Variants in PHEX observed in about 807,000 individuals in gnomAD.
PHEX encodes phosphate regulating endopeptidase X-linked, also known as phosphate-regulating neutral endopeptidase PHEX.
In PHEX, 16 loss-of-function variants were observed where a neutral mutation model predicts 68.0. The observed-to-expected ratio is 0.24, with a 90% CI of 0.16 to 0.36. PHEX has a LOEUF of 0.36. Among genes scored for constraint, PHEX ranks in the 10% least tolerant of loss-of-function variants. The pLI is 1.00. For missense variants in PHEX, 480 were observed against 575.5 expected, an observed-to-expected ratio of 0.83 and a Z score of 1.70; for synonymous variants, 208 against 205.1, an observed-to-expected ratio of 1.01 and a Z score of -0.12.
intron 21 of PHEX, among the ~76,000 whole-genome samples, chrX:22,247,334 C>T (rs966885617): frequency 1.8e-5 from 2 of 111,951 alleles, no homozygotes; most frequent in Non-Finnish European, 3.8e-5. Context: ...ACAGTACATA[C>T]CATGGATTCC....
Position 22,111,528 on chromosome X carries a change from C to T in PHEX, c.1141C>T (p.Arg381Cys), listed in dbSNP as rs932260939. 2.3e-5 allele frequency: 28 copies of T among 1,204,668 alleles called. No individual in the cohort carries two copies. Among genetic ancestry groups the T allele is most frequent in the Admixed American group, 1.3e-4 (6 of 45,778 alleles). The change falls in exon 10 of 22, where the codon CGC becomes TGC. Residue 381 changes from arginine to cysteine, a missense_variant. By Grantham distance (180) the Arg-to-Cys change is radical (BLOSUM62 -3). Transcript: ENST00000379374. ...TTCCAGAATTCCAAACCTTAGCAGG[C>T]GCTTTCAGTATAGATGGCTGGAATT... ...VYSRIPNLSR[R>C]FQYRWLEFSR...
rs1025718102 is a variant in PHEX, at chrX:22,145,133, T to C, written c.1404+11509T>C. On this transcript the variant is annotated intron_variant, in intron 12 of 21. Transcript: ENST00000379374. Reference sequence around the variant, plus strand: ...CACTTGCAAAGCGAAGGGCGATCCGTGTGTTCAGGTGTTGTCAGCCTGATC... The same window carrying C: ...CACTTGCAAAGCGAAGGGCGATCCGCGTGTTCAGGTGTTGTCAGCCTGATC... 1.2e-4 allele frequency among the ~76,000 whole-genome samples: 14 copies of C among 112,059 alleles called. No homozygotes were observed. The Admixed American group carries it at 1.3e-3, about 11-fold the overall frequency.
chrX:22,053,764 G>A (rs764143350), intron 3 of PHEX, among the ~76,000 whole-genome samples: 1 of 112,043 alleles, frequency 8.9e-6, no homozygotes, highest in Non-Finnish European at 1.9e-5. Context: ...CCAATATTTT[G>A]TGAAGAAATG....
At chrX:22,047,362 A>G (rs1015042564) in intron 3 of PHEX, 151 bp downstream of exon 3, 3 of 538,866 alleles carry the variant, frequency 5.6e-6, no homozygotes, top group Non-Finnish European at 9.5e-6. Flanking sequence ...GATTGAAAGG[A>G]AAGTTTGCAG....
intron 3 of PHEX, among the ~76,000 whole-genome samples, chrX:22,070,665 G>A (rs1404308424): frequency 8.9e-6 from 1 of 112,007 alleles, no homozygotes; most frequent in East Asian, 2.8e-4. Flanking sequence ...CAGTCTGGGT[G>A]ACAGCACAAG....
chrX:22,190,666 C>T (rs1415729158), intron 15 of PHEX, among the ~76,000 whole-genome samples, 164 bp downstream of exon 15: 1 of 111,759 alleles, frequency 8.9e-6, no homozygotes, highest in Non-Finnish European at 1.9e-5. Flanking sequence ...TTTCCTCACT[C>T]TCTTCACCTT....
intron 5 of PHEX, among the ~76,000 whole-genome samples, chrX:22,081,747 C>T (rs768135592): frequency 8.9e-6 from 1 of 112,041 alleles, no homozygotes; most frequent in South Asian, 3.7e-4. Flanking sequence ...GGGTTTGCTA[C>T]AGGCTTAAAT....
chrX:22,166,061 C>G (rs752908556), intron 12 of PHEX, among the ~76,000 whole-genome samples: 25 of 111,743 alleles, frequency 2.2e-4, no homozygotes, highest in Admixed American at 1.2e-3. Flanking sequence ...TTTATATGTG[C>G]CTAAGTTTGT....
At chrX:22,191,313 C>T (rs1057188097) in intron 15 of PHEX, among the ~76,000 whole-genome samples, 12 of 112,416 alleles carry the variant, frequency 1.1e-4, no homozygotes, top group African/African-American at 3.6e-4. Flanking sequence ...CAGGCGTGAG[C>T]CACTGCACCT....
intron 9 of PHEX, among the ~76,000 whole-genome samples, chrX:22,106,497 G>A (rs1262179361): frequency 2.7e-5 from 3 of 111,810 alleles, no homozygotes; most frequent in Non-Finnish European, 5.6e-5. Context: ...TTGGCCAGGC[G>A]TGGTGGCTCA....
At chrX:22,129,618 C>T (rs1181192589) in intron 11 of PHEX, among the ~76,000 whole-genome samples, 1 of 111,259 alleles carries the variant, frequency 9.0e-6, no homozygotes, top group Admixed American at 9.6e-5. Context: ...AAGGTGAATC[C>T]TTCCATATAG....
intron 5 of PHEX, among the ~76,000 whole-genome samples, chrX:22,081,407 C>G (rs1048438411): frequency 8.9e-6 from 1 of 111,815 alleles, no homozygotes; most frequent in Non-Finnish European, 1.9e-5. Flanking sequence ...TTGAAAGATC[C>G]TCTTTCTGCT....
At chrX:22,157,241 C>A (rs938903970) in intron 12 of PHEX, among the ~76,000 whole-genome samples, 8 of 112,061 alleles carry the variant, frequency 7.1e-5, no homozygotes, top group African/African-American at 2.3e-4. Flanking sequence ...CCTGCCATCC[C>A]AGCACTTTGA....
At chrX:22,072,177 G>A (rs1328968790) in intron 3 of PHEX, among the ~76,000 whole-genome samples, 1 of 112,444 alleles carries the variant, frequency 8.9e-6, no homozygotes, top group African/African-American at 3.2e-5. Context: ...GCAGTGAGCT[G>A]AGATCCTGCC....
At chrX:22,103,456 C>T (rs895748076) in intron 9 of PHEX, among the ~76,000 whole-genome samples, 2 of 110,774 alleles carry the variant, frequency 1.8e-5, no homozygotes, top group Non-Finnish European at 3.8e-5. Context: ...TGCTTACCCC[C>T]TCCCACTCTC....
Position 22,227,489 on chromosome X carries a change from T to C in PHEX, c.1966-18T>C. 1 of 1,115,527 alleles carries C rather than the reference T, an allele frequency of 9.0e-7. No individual in the cohort carries two copies. The highest frequency in any genetic ancestry group is 1.2e-6 in the Non-Finnish European group (1 of 807,399). The allele number at this position is 1,115,527 out of a possible 1,213,427, so 91.9% of individuals were successfully genotyped here. On this transcript the variant is annotated intron_variant, in intron 19 of 21. Coordinates refer to ENST00000379374, the MANE Select transcript of PHEX (RefSeq NM_000444.6). ...ACCCACCGTTGCAGAGACTCATCTC[T>C]TCTTCTTCTCTCACCAGGCTTACAG...
chrX:22,051,830 G>A (rs1182916037), intron 3 of PHEX, among the ~76,000 whole-genome samples: 4 of 111,263 alleles, frequency 3.6e-5, no homozygotes, highest in South Asian at 3.7e-4. Flanking sequence ...GATAAATATC[G>A]ATATAAATAC....
intron 2 of PHEX, among the ~76,000 whole-genome samples, chrX:22,040,757 G>C (rs1045993274): frequency 1.4e-4 from 16 of 110,598 alleles, no homozygotes; most frequent in Non-Finnish European, 2.8e-4. Context: ...GGAGTCAATG[G>C]GGGACCCAAG....
At chrX:22,237,157 G>A (rs941279275) in intron 20 of PHEX, among the ~76,000 whole-genome samples, 1 of 112,012 alleles carries the variant, frequency 8.9e-6, no homozygotes, top group African/African-American at 3.2e-5. Context: ...GGCATAATGT[G>A]TTTTCAGAAG....
Sources: allele counts gnomAD v4.1 joint callset (sites outside exome capture counted in the v4.1 genomes callset), GRCh38; gene constraint gnomAD v4.1.1; transcripts MANE v1.5; gene names NCBI Gene and HGNC (gene_info 2026-07-23, HGNC 2026-07-21).